The following SUGCT variants were observed in gnomAD, a reference collection of about 807,000 sequenced individuals.
SUGCT encodes succinyl-CoA:glutarate CoA-transferase.
SUGCT carries 41 observed loss-of-function variants against 55.0 expected under a neutral mutation model. That is an observed-to-expected ratio of 0.74 (90% CI 0.58 to 0.97). The LOEUF (loss-of-function observed/expected upper bound fraction) is 0.97, where lower values mean the gene tolerates loss of function less well. Ranked by LOEUF, SUGCT falls within the 50% of genes least tolerant of loss-of-function variation. The pLI is 0.00. For synonymous variants in SUGCT, 187 were observed against 200.4 expected (o/e 0.93, Z 0.56); for missense variants, 568 against 547.8 (o/e 1.04, Z -0.37).
intron 9 of SUGCT, among the ~76,000 whole-genome samples, chr7:40,344,545 C>T (rs781428040): frequency 1.3e-5 from 2 of 152,176 alleles, no homozygotes; most frequent in African/African-American, 2.4e-5. Context: ...TAACCACAGG[C>T]ATACTCACTT....
intron 3 of SUGCT, among the ~76,000 whole-genome samples, 154 bp from the exon 4 acceptor site, chr7:40,188,340 AG>A (rs1243561595): frequency 6.7e-6 from 1 of 149,122 alleles, no homozygotes; most frequent in African/African-American, 2.5e-5. Flanking sequence ...TGGCTGAGGC[AG>A]GAGAATTACC....
At chr7:40,555,907 G>A (rs1315660550) in intron 12 of SUGCT, among the ~76,000 whole-genome samples, 1 of 151,316 alleles carries the variant, frequency 6.6e-6, no homozygotes, top group Admixed American at 6.6e-5. Flanking sequence ...CTTTAACCAG[G>A]GGATAAAACA....
intron 1 of SUGCT, chr7:40,141,772 G>T (rs1305248929): frequency 3.7e-5 from 12 of 325,932 alleles, no homozygotes; most frequent in African/African-American, 6.4e-5. Context: ...TAAAGGTTTG[G>T]TGCCACAAAA....
At chr7:40,429,426 A>G (rs1444545941) in intron 9 of SUGCT, among the ~76,000 whole-genome samples, 1 of 152,158 alleles carries the variant, frequency 6.6e-6, no homozygotes, top group African/African-American at 2.4e-5. Flanking sequence ...AAGTCCCACT[A>G]TAGGCTGTCT....
intron 12 of SUGCT, among the ~76,000 whole-genome samples, chr7:40,582,576 A>G (rs1797162869): frequency 6.6e-6 from 1 of 152,158 alleles, no homozygotes; most frequent in Non-Finnish European, 1.5e-5. Flanking sequence ...TTGTGGCCCA[A>G]ACTTGGAAAT....
intron 1 of SUGCT, among the ~76,000 whole-genome samples, chr7:40,142,903 T>TG (rs1275086199): frequency 3.3e-5 from 5 of 152,236 alleles, no homozygotes. Flanking sequence ...AAATTGCTGT[T>TG]GGTTGTAATA....
In SUGCT at chr7:40,810,297, TA is replaced by T. The variant is rs1791342251; in HGVS notation, c.1154-50018del. Among the ~76,000 whole-genome samples the T allele has an allele frequency of 2.0e-5, 3 of 152,276 alleles. No homozygotes were observed. The South Asian group carries it at 6.2e-4, about 32-fold the overall frequency. ...GATACATACCTAGTAATGGGATTGCTAGGTCAAATGGAAGCTCTGGTTTTAG... is the reference window on the plus strand; with the variant it reads ...GATACATACCTAGTAATGGGATTGCTGGTCAAATGGAAGCTCTGGTTTTAG... On this transcript the variant is annotated intron_variant, in intron 13 of 13. Transcript: ENST00000335693.
Position 40,197,570 on chromosome 7 carries a change from A to C in SUGCT, c.484+2510A>C, listed in dbSNP as rs193212910. On this transcript the variant is annotated intron_variant, in intron 6 of 13. Coordinates refer to ENST00000335693, the MANE Select transcript of SUGCT (RefSeq NM_001193313.2). ...TGTTATCCTCCTTGGATCAGTGGCC[A>C]CCAAATGCATCTCCCCTCATAGGGA... 5.0e-3 allele frequency among the ~76,000 whole-genome samples: 754 copies of C among 152,292 alleles called. 4 individuals are homozygous for C. Among genetic ancestry groups the C allele is most frequent in the Non-Finnish European group, 7.8e-3 (529 of 68,024 alleles).
At chr7:40,481,492 C>T (rs1193249641) in intron 11 of SUGCT, among the ~76,000 whole-genome samples, 1 of 151,692 alleles carries the variant, frequency 6.6e-6, no homozygotes, top group Non-Finnish European at 1.5e-5. Context: ...CCTTGAGAGC[C>T]AGAAGTATTC....
At chr7:40,814,937 T>C (rs1398653252) in intron 13 of SUGCT, among the ~76,000 whole-genome samples, 1 of 152,210 alleles carries the variant, frequency 6.6e-6, no homozygotes, top group African/African-American at 2.4e-5. Flanking sequence ...TAGAGAATGC[T>C]GGGTAGGGTC....
intron 12 of SUGCT, among the ~76,000 whole-genome samples, chr7:40,628,293 T>C (rs1266055648): frequency 1.3e-5 from 2 of 152,250 alleles, no homozygotes; most frequent in African/African-American, 4.8e-5. Context: ...CTTATTGAAA[T>C]GCAAGGTGCT....
chr7:40,661,443 A>G (rs753821720), intron 12 of SUGCT, among the ~76,000 whole-genome samples: 1 of 152,174 alleles, frequency 6.6e-6, no homozygotes, highest in Non-Finnish European at 1.5e-5. Flanking sequence ...CTGTAATATA[A>G]TTCGTCTTAA....
chr7:40,653,938 A>C (rs1164639935), intron 12 of SUGCT, among the ~76,000 whole-genome samples: 1 of 152,132 alleles, frequency 6.6e-6, no homozygotes, highest in Non-Finnish European at 1.5e-5. Context: ...AGCTGTTAAG[A>C]AACAAAGATC....
chr7:40,727,177 C>T (rs771063191), intron 12 of SUGCT, among the ~76,000 whole-genome samples: 1 of 152,088 alleles, frequency 6.6e-6, no homozygotes, highest in Admixed American at 6.5e-5. Context: ...TTGCCTTTCA[C>T]GGTACACTTT....
At chr7:40,644,368 A>G (rs921195900) in intron 12 of SUGCT, among the ~76,000 whole-genome samples, 5 of 152,000 alleles carry the variant, frequency 3.3e-5, no homozygotes, top group Admixed American at 3.3e-4. Context: ...GCCCACAGCT[A>G]CCCCTCAATC....
At chr7:40,792,341 A>T (rs1406889708) in intron 13 of SUGCT, among the ~76,000 whole-genome samples, 1 of 152,090 alleles carries the variant, frequency 6.6e-6, no homozygotes. Context: ...TTGTTCACAT[A>T]CTCAGAGTTC....
Position 40,459,215 on chromosome 7 carries a change from T to A in SUGCT, c.986+17T>A. The A allele has an allele frequency of 6.9e-7, 1 of 1,457,404 alleles. No individual in the cohort carries two copies. Among genetic ancestry groups the A allele is most frequent in the Non-Finnish European group, 9.6e-7 (1 of 1,044,960 alleles). The allele number at this position is 1,457,404 out of a possible 1,614,324, so 90.3% of individuals were successfully genotyped here. A position where few individuals can be genotyped will look rare whatever the true frequency, so the allele number is the denominator to read the frequency against. On this transcript the variant is annotated intron_variant, in intron 11 of 13. Coordinates refer to ENST00000335693, the MANE Select transcript of SUGCT (RefSeq NM_001193313.2). ...ATCTGAACGGTAAGTTTGGATGTTG[T>A]ATTCATCCATTTAAGAATTAATATG...
rs1279948097 is a variant in SUGCT at position 40,209,360 on chromosome 7, T to A, written c.484+14300T>A. Reference sequence around the variant, plus strand: ...AAAAATACAAAAAATTAGCCGAGCGTGGTGGCACTTGCCTGTAGTCCCAGA... The same window carrying A: ...AAAAATACAAAAAATTAGCCGAGCGAGGTGGCACTTGCCTGTAGTCCCAGA... On this transcript the variant is annotated intron_variant, in intron 6 of 13. Transcript: ENST00000335693. 3.3e-5 allele frequency among the ~76,000 whole-genome samples: 5 copies of A among 151,826 alleles called. No individual in the cohort carries two copies. The East Asian group carries it at 9.7e-4, about 29-fold the overall frequency.
rs982152281 is a variant in SUGCT, at chr7:40,531,831, G to T, written c.1089+35445G>T. ...GGGGACTACAGGCGCCCGCCACTAC[G>T]CCCGGCTAATTTTTTATATTTTTAG... On this transcript the variant is annotated intron_variant, in intron 12 of 13. Coordinates refer to ENST00000335693, the MANE Select transcript of SUGCT (RefSeq NM_001193313.2). Among the ~76,000 whole-genome samples the T allele has an allele frequency of 2.6e-5, 4 of 152,064 alleles. No individual in the cohort carries two copies. The East Asian group carries it at 7.8e-4, about 30-fold the overall frequency.
Sources: gnomAD v4.1 joint callset for allele counts (sites outside exome capture counted in the v4.1 genomes callset) on GRCh38, gnomAD v4.1.1 for gene constraint, MANE v1.5 for transcripts, NCBI Gene and HGNC (gene_info 2026-07-23, HGNC 2026-07-21) for gene names.